The following KAZN variants were observed in gnomAD, a reference collection of about 807,000 sequenced individuals.
KAZN encodes the protein kazrin, periplakin interacting protein.
A neutral mutation model predicts 87.4 loss-of-function variants in KAZN; 40 were observed. That is an observed-to-expected ratio of 0.46 (90% confidence interval 0.36 to 0.60). The LOEUF (loss-of-function observed/expected upper bound fraction) is 0.60, where lower values mean the gene tolerates loss of function less well. KAZN is among the 20% of genes least tolerant of loss of function. The pLI, the probability that KAZN is intolerant of heterozygous loss-of-function variation, is 0.00. For synonymous variants in KAZN, 466 were observed against 458.3 expected (o/e 1.02, Z -0.22); for missense variants, 898 against 1,073.9 (o/e 0.84, Z 2.29).
At chr1:15,061,667 C>G (rs1247014373) in intron 6 of KAZN, 1 of 152,116 alleles carries the variant, frequency 6.6e-6, no homozygotes, top group Non-Finnish European at 1.5e-5. Context: ...TTACAGATGC[C>G]TGCCATCACA....
chr1:14,492,036 GAA>G (rs1396369164), intron 2 of KAZN, among the ~76,000 whole-genome samples: 1 of 152,112 alleles, frequency 6.6e-6, no homozygotes, highest in Non-Finnish European at 1.5e-5. Flanking sequence ...AACAAAAATG[GAA>G]AAAGAGGATA....
intron 1 of KAZN, among the ~76,000 whole-genome samples, chr1:13,902,047 C>T (rs997332002): frequency 1.3e-5 from 2 of 152,258 alleles, no homozygotes; most frequent in African/African-American, 2.4e-5. Flanking sequence ...AGCCGAATTA[C>T]TGATACACAC....
chr1:14,246,389 A>G (rs1384310881), intron 2 of KAZN, among the ~76,000 whole-genome samples: 3 of 152,092 alleles, frequency 2.0e-5, no homozygotes, highest in African/African-American at 4.8e-5. Context: ...CTTTACCCAT[A>G]TTTTATTTGG....
chr1:14,647,629 T>A (rs1021087128), intron 1 of KAZN, among the ~76,000 whole-genome samples: 11 of 152,194 alleles, frequency 7.2e-5, no homozygotes, highest in African/African-American at 2.7e-4. Flanking sequence ...AAGTGCCTTC[T>A]GTCATCTACA....
intron 1 of KAZN, among the ~76,000 whole-genome samples, chr1:14,788,892 C>A (rs944068624): frequency 6.6e-6 from 1 of 152,092 alleles, no homozygotes; most frequent in Non-Finnish European, 1.5e-5. Flanking sequence ...CCTGAGACAC[C>A]ACCATCAGAA....
intron 2 of KAZN, among the ~76,000 whole-genome samples, chr1:14,264,496 T>C (rs541760769): frequency 1.3e-5 from 2 of 152,216 alleles, no homozygotes. Flanking sequence ...ATTCCAGAAG[T>C]GGGTTAGTTA....
intron 1 of KAZN, among the ~76,000 whole-genome samples, chr1:14,633,401 C>G (rs1679724456): frequency 6.6e-6 from 1 of 152,096 alleles, no homozygotes; most frequent in African/African-American, 2.4e-5. Context: ...ACAGCAGCAG[C>G]AGAGGTTAGA....
At chr1:15,109,947 G>GTTTGTT (rs1159608021) in intron 13 of KAZN, among the ~76,000 whole-genome samples, 1 of 150,688 alleles carries the variant, frequency 6.6e-6, no homozygotes, top group African/African-American at 2.4e-5. Flanking sequence ...GTGTGTTTGT[G>GTTTGTT]TATGTGTTTG....
At chr1:14,141,496 A>T (rs114279107) in intron 1 of KAZN, among the ~76,000 whole-genome samples, 36,047 of 150,816 alleles carry the variant, frequency 0.24, 5,196 homozygotes, top group African/African-American at 0.4. Context: ...TACAGTAATA[A>T]AAAAAAAATT....
At chr1:14,026,435 C>T (rs1570558962) in intron 1 of KAZN, among the ~76,000 whole-genome samples, 1 of 152,176 alleles carries the variant, frequency 6.6e-6, no homozygotes, top group Middle Eastern at 3.2e-3. Flanking sequence ...TCCATCTTAG[C>T]CCCATGCATG....
intron 1 of KAZN, among the ~76,000 whole-genome samples, chr1:14,044,048 T>C (rs1354160688): frequency 1.1e-4 from 17 of 152,156 alleles, no homozygotes; most frequent in Non-Finnish European, 1.5e-5. Context: ...AAGACTTTAC[T>C]GGGATAAACA....
intron 1 of KAZN, among the ~76,000 whole-genome samples, chr1:14,118,040 G>T (rs1205013435): frequency 6.6e-6 from 1 of 152,204 alleles, no homozygotes; most frequent in Non-Finnish European, 1.5e-5. Context: ...TGGTCCAGGG[G>T]CTTGAGACCG....
chr1:14,008,187 C>G (rs1640122648), intron 1 of KAZN, among the ~76,000 whole-genome samples: 1 of 152,158 alleles, frequency 6.6e-6, no homozygotes, highest in Non-Finnish European at 1.5e-5. Flanking sequence ...ATGCAAAACC[C>G]TCCTGTGCCT....
chr1:13,949,380 G>A (rs1641263779), intron 1 of KAZN, among the ~76,000 whole-genome samples: 3 of 152,198 alleles, frequency 2.0e-5, no homozygotes, highest in Admixed American at 2.0e-4. Context: ...GGCAGCAGGG[G>A]AGACTTAGGG....
intron 1 of KAZN, among the ~76,000 whole-genome samples, chr1:14,848,563 G>A (rs543562245): frequency 1.5e-4 from 23 of 152,352 alleles, no homozygotes; most frequent in Non-Finnish European, 2.1e-4. Flanking sequence ...AAGCACGAGC[G>A]TGTGGGGTGC....
intron 2 of KAZN, among the ~76,000 whole-genome samples, chr1:14,401,645 A>G (rs563069489): frequency 7.2e-5 from 11 of 152,226 alleles, no homozygotes; most frequent in Admixed American, 5.2e-4. Flanking sequence ...GTGAAACCCC[A>G]TCTCTACAAA....
intron 2 of KAZN, among the ~76,000 whole-genome samples, chr1:14,531,287 G>T (rs779859752): frequency 6.6e-6 from 1 of 152,140 alleles, no homozygotes; most frequent in Non-Finnish European, 1.5e-5. Context: ...GTCCGCCAAA[G>T]ATCAAAACAG....
At chr1:14,189,217 G>T (rs1466164173) in intron 2 of KAZN, among the ~76,000 whole-genome samples, 1 of 152,122 alleles carries the variant, frequency 6.6e-6, no homozygotes, top group Non-Finnish European at 1.5e-5. Flanking sequence ...TTATTCCTGT[G>T]GGACTTGAAC....
chr1:14,312,135 C>G (rs1655347349), intron 2 of KAZN, among the ~76,000 whole-genome samples: 1 of 123,464 alleles, frequency 8.1e-6, no homozygotes, highest in Non-Finnish European at 1.7e-5. Flanking sequence ...TACAGGGAAG[C>G]AGAGAATACA....
Sources: allele counts gnomAD v4.1 joint callset (sites outside exome capture counted in the v4.1 genomes callset), GRCh38; gene constraint gnomAD v4.1.1; transcripts MANE v1.5; gene names NCBI Gene and HGNC (gene_info 2026-07-23, HGNC 2026-07-21).